SNX24: variants seen among roughly 807,000 people sequenced by gnomAD.
SNX24 encodes sorting nexin 24.
SNX24 carries 22 observed loss-of-function variants against 28.7 expected under a neutral mutation model. The ratio of observed to expected loss-of-function variants is 0.77; its 90% CI spans 0.55 to 1.10. The LOEUF (loss-of-function observed/expected upper bound fraction) is 1.10. Ranked by LOEUF, SNX24 falls within the 50% of genes least tolerant of loss-of-function variation. SNX24 has a pLI of 0.00. For missense variants in SNX24, 221 were observed against 201.1 expected, an observed-to-expected ratio of 1.10 and a Z score of -0.60; for synonymous variants, 69 against 71.5, an observed-to-expected ratio of 0.96 and a Z score of 0.18.
chr5:122,910,276 AC>A (rs1416693954), intron 1 of SNX24, among the ~76,000 whole-genome samples: 6 of 152,120 alleles, frequency 3.9e-5, no homozygotes, highest in Non-Finnish European at 7.4e-5. Flanking sequence ...TTGGTCTACA[AC>A]CCAGGCTATT....
At chr5:122,955,897 G>C (rs1760186622) in intron 3 of SNX24, among the ~76,000 whole-genome samples, 1 of 152,130 alleles carries the variant, frequency 6.6e-6, no homozygotes, top group Non-Finnish European at 1.5e-5. Context: ...TGGAAGTCTA[G>C]GCTTCCCACT....
chr5:122,987,225 G>A (rs1561699670), intron 3 of SNX24, among the ~76,000 whole-genome samples: 1 of 152,224 alleles, frequency 6.6e-6, no homozygotes, highest in East Asian at 1.9e-4. Flanking sequence ...GGTAAAGGCT[G>A]ATTCTTCTAG....
intron 1 of SNX24, among the ~76,000 whole-genome samples, chr5:122,866,384 A>G (rs1755723845): frequency 6.6e-6 from 1 of 152,174 alleles, no homozygotes; most frequent in African/African-American, 2.4e-5. Flanking sequence ...CCTGAACTCA[A>G]GTGATCTGCT....
intron 1 of SNX24, among the ~76,000 whole-genome samples, chr5:122,916,054 T>A (rs924157127): frequency 6.6e-6 from 1 of 152,252 alleles, no homozygotes; most frequent in Non-Finnish European, 1.5e-5. Context: ...ATTCCCATCC[T>A]GTAGCACATG....
intron 3 of SNX24, among the ~76,000 whole-genome samples, chr5:122,968,636 T>C (rs1056440141): frequency 2.6e-5 from 4 of 152,188 alleles, no homozygotes; most frequent in African/African-American, 9.6e-5. Context: ...ATGGCAGTCA[T>C]TAAAACCAGG....
chr5:122,927,744 G>T (rs957920003), intron 1 of SNX24, among the ~76,000 whole-genome samples: 4 of 152,162 alleles, frequency 2.6e-5, no homozygotes, highest in African/African-American at 9.7e-5. Context: ...GTTTCTAGGT[G>T]ATCAGATCTA....
chr5:122,996,925 A>G (rs1214166990), intron 3 of SNX24, among the ~76,000 whole-genome samples: 7 of 152,212 alleles, frequency 4.6e-5, no homozygotes, highest in Admixed American at 4.6e-4. Flanking sequence ...ATTCTATAGG[A>G]TGACCCAGGG....
intron 1 of SNX24, among the ~76,000 whole-genome samples, chr5:122,892,373 A>G (rs1441919713): frequency 1.3e-5 from 2 of 152,154 alleles, no homozygotes; most frequent in East Asian, 1.9e-4. Context: ...TGAATAAGGT[A>G]TTACATTGAT....
intron 1 of SNX24, among the ~76,000 whole-genome samples, chr5:122,876,135 G>A (rs1307114604): frequency 6.6e-6 from 1 of 152,234 alleles, no homozygotes; most frequent in African/African-American, 2.4e-5. Context: ...ATGAGTCACA[G>A]CGCCTGGCCC....
chr5:122,853,182 A>G (rs1463550355), intron 1 of SNX24, among the ~76,000 whole-genome samples: 2 of 120,282 alleles, frequency 1.7e-5, no homozygotes, highest in African/African-American at 3.3e-5. Flanking sequence ...GCTGGAATGC[A>G]GTGGCACGAT....
At chr5:122,951,609 T>G (rs1174310713) in intron 3 of SNX24, among the ~76,000 whole-genome samples, 1 of 152,200 alleles carries the variant, frequency 6.6e-6, no homozygotes, top group Non-Finnish European at 1.5e-5. Context: ...TCCCTGAGAC[T>G]CCACTGAAAT....
At chr5:122,850,674 C>T (rs781560372) in intron 1 of SNX24, among the ~76,000 whole-genome samples, 3 of 151,594 alleles carry the variant, frequency 2.0e-5, no homozygotes, top group Non-Finnish European at 4.4e-5. Context: ...GCAGATATTT[C>T]ATTTGGGCAC....
intron 5 of SNX24, chr5:123,023,680 G>T: frequency 1.3e-6 from 1 of 782,524 alleles, no homozygotes; most frequent in Non-Finnish European, 1.8e-6. Context: ...AAGTCCCTAA[G>T]CAGGTGGTTT....
At chr5:123,023,213 T>C (rs1446121650) in intron 5 of SNX24, 2 of 152,258 alleles carry the variant, frequency 1.3e-5, no homozygotes, top group African/African-American at 4.8e-5. Flanking sequence ...AAGTAAATAA[T>C]CACCTTAAGT....
intron 3 of SNX24, among the ~76,000 whole-genome samples, chr5:122,958,265 T>C (rs1379484379): frequency 6.6e-6 from 1 of 152,162 alleles, no homozygotes; most frequent in Non-Finnish European, 1.5e-5. Flanking sequence ...AAAAATTTTT[T>C]TTTTTGAGAC....
chr5:122,925,778 G>A (rs548865162), intron 1 of SNX24, among the ~76,000 whole-genome samples: 1 of 152,096 alleles, frequency 6.6e-6, no homozygotes, highest in Non-Finnish European at 1.5e-5. Flanking sequence ...CCAATTTGTT[G>A]TCCAGCTGTC....
At position 122,984,923 on chromosome 5, in the gene SNX24, C is replaced by T. The variant is rs559770758; in HGVS notation, c.250-14989C>T. 2.4e-4 allele frequency among the ~76,000 whole-genome samples: 36 copies of T among 151,282 alleles called. No individual in the cohort carries two copies. The East Asian group carries it at 2.9e-3, about 12-fold the overall frequency. ...AAAGTTTAGTGAACAAATGAAAAAA[C>T]GAAAAAGAAAAAAAGGTATAGTGAA... is the stretch of plus-strand genomic sequence containing the variant. On this transcript the variant is annotated intron_variant, in intron 3 of 6. Transcript: ENST00000261369.
intron 3 of SNX24, among the ~76,000 whole-genome samples, chr5:122,957,325 A>G (rs974062062): frequency 6.6e-6 from 1 of 152,182 alleles, no homozygotes; most frequent in Non-Finnish European, 1.5e-5. Flanking sequence ...CCGTTGGACC[A>G]TATATATGAG....
chr5:122,916,648 G>A (rs779705101), intron 1 of SNX24, among the ~76,000 whole-genome samples: 16 of 152,124 alleles, frequency 1.1e-4, no homozygotes, highest in Non-Finnish European at 2.2e-4. Context: ...CATACCTGAT[G>A]ACACCCCTGC....
Sources: allele counts gnomAD v4.1 joint callset (sites outside exome capture counted in the v4.1 genomes callset), GRCh38; gene constraint gnomAD v4.1.1; transcripts MANE v1.5; gene names NCBI Gene and HGNC (gene_info 2026-07-23, HGNC 2026-07-21).